The following FAM120A variants were observed in gnomAD, a reference collection of about 807,000 sequenced individuals.
FAM120A encodes the protein family with sequence similarity 120 member A.
A neutral mutation model predicts 109.7 loss-of-function variants in FAM120A; 15 were observed. The ratio of observed to expected loss-of-function variants is 0.14; its 90% CI spans 0.09 to 0.21. The LOEUF is 0.21. Ranked by LOEUF, FAM120A falls within the 10% of genes least tolerant of loss-of-function variation. FAM120A has a pLI of 1.00. For synonymous variants in FAM120A, 493 were observed against 572.8 expected, an observed-to-expected ratio of 0.86 and a Z score of 1.99; for missense variants, 899 against 1,439.3, an observed-to-expected ratio of 0.62 and a Z score of 6.07.
chr9:93,502,192 A>G (rs780918879), intron 5 of FAM120A, among the ~76,000 whole-genome samples: 1 of 152,192 alleles, frequency 6.6e-6, no homozygotes, highest in African/African-American at 2.4e-5. Flanking sequence ...AATTTATCTT[A>G]TTAATCATTC....
rs1857227769 is a variant in FAM120A at position 93,451,799 on chromosome 9, C to T, written c.-117C>T. Reference sequence around the variant, plus strand: ...GCCATGAGCGCGCCCCCGACCCGCCCCAGTCCCCCCTAGAGGCCGCCGCCC... The same window carrying T: ...GCCATGAGCGCGCCCCCGACCCGCCTCAGTCCCCCCTAGAGGCCGCCGCCC... On this transcript the variant is annotated 5_prime_UTR_variant, in exon 1 of 18. Transcript: ENST00000277165. 2.1e-6 allele frequency: 2 copies of T among 974,920 alleles called. No homozygotes were observed. The highest frequency in any genetic ancestry group is 1.3e-4 in the Admixed American group (2 of 15,652). 60.4% of individuals were successfully genotyped at this position (974,920 alleles called of 1,614,324 possible).
chr9:93,502,085 C>T (rs1859827243), intron 5 of FAM120A, among the ~76,000 whole-genome samples: 1 of 152,126 alleles, frequency 6.6e-6, no homozygotes, highest in Non-Finnish European at 1.5e-5. Context: ...GGTGATCTGT[C>T]ATAGAATCCA....
At chr9:93,459,862 C>A (rs949110876) in intron 1 of FAM120A, among the ~76,000 whole-genome samples, 1 of 152,114 alleles carries the variant, frequency 6.6e-6, no homozygotes, top group African/African-American at 2.4e-5. Context: ...GCCTAAAATA[C>A]CAGTAGTGCC....
At chr9:93,481,715 A>T (rs774859287) in intron 3 of FAM120A, among the ~76,000 whole-genome samples, 2 of 152,164 alleles carry the variant, frequency 1.3e-5, no homozygotes, top group Non-Finnish European at 2.9e-5. Flanking sequence ...CTGAGACTTC[A>T]CTACCAGCAG....
In FAM120A at chr9:93,529,511, G is replaced by C; in HGVS notation, c.1665G>C (p.Val555=). The C allele has an allele frequency of 1.2e-6, 2 of 1,614,224 alleles. No individual in the cohort carries two copies. Among genetic ancestry groups the C allele is most frequent in the Non-Finnish European group, 1.7e-6 (2 of 1,180,036 alleles). The change falls in exon 9 of 18, where the codon GTG becomes GTC. Residue 555 remains valine (V), a synonymous_variant. Transcript: ENST00000277165. ...CCCTGCCCCCCGTCGCACCTGAGGT[G>C]CTGAGAGTGGCCGAGCACAGGCACA... ...TPPLPPVAPE[V]LRVAEHRHKK...
chr9:93,479,516 T>C (rs76859728), intron 3 of FAM120A, among the ~76,000 whole-genome samples: 6,911 of 152,244 alleles, frequency 0.045, 266 homozygotes, highest in African/African-American at 0.096. Context: ...AGCTTGAGGA[T>C]GCAAAGTCAC....
chr9:93,560,605 A>G (rs1396739434), intron 15 of FAM120A, among the ~76,000 whole-genome samples: 3 of 152,222 alleles, frequency 2.0e-5, no homozygotes, highest in Non-Finnish European at 4.4e-5. Context: ...GAATTTTCTT[A>G]GGTCAGAAAA....
chr9:93,474,395 T>C (rs1203912170), intron 2 of FAM120A, among the ~76,000 whole-genome samples: 1 of 152,046 alleles, frequency 6.6e-6, no homozygotes, highest in Non-Finnish European at 1.5e-5. Context: ...TTCACTGTGC[T>C]CAAATGAGAA....
chr9:93,494,494 C>A lies in FAM120A; in HGVS notation c.805-2977C>A, dbSNP rs78262078. Among the ~76,000 whole-genome samples the A allele has an allele frequency of 6.6e-3, 999 of 152,304 alleles. 13 individuals carry two copies. The highest frequency in any genetic ancestry group is 0.023 in the African/African-American group (965 of 41,566). On this transcript the variant is annotated intron_variant, in intron 3 of 17. Coordinates refer to ENST00000277165, the MANE Select transcript of FAM120A (RefSeq NM_014612.5). ...GGACAGGGAGGTCATTTGCCTCACT[C>A]CAGCATTCGTGGCCTGTTCCATTAC...
intron 3 of FAM120A, among the ~76,000 whole-genome samples, chr9:93,485,142 C>T (rs1338111009): frequency 6.6e-6 from 1 of 152,180 alleles, no homozygotes; most frequent in East Asian, 1.9e-4. Flanking sequence ...GCAGATCAGA[C>T]ACTGTTGTTG....
intron 1 of FAM120A, among the ~76,000 whole-genome samples, chr9:93,468,424 G>A (rs1414114828): frequency 1.3e-5 from 2 of 152,158 alleles, no homozygotes; most frequent in Non-Finnish European, 2.9e-5. Flanking sequence ...GTAAAAGAAC[G>A]GTAGTTTGTC....
rs752093264 is a variant in FAM120A at position 93,543,250 on chromosome 9, A to G, written c.1938A>G (p.Ala646=). ...CACCAGTGATCATTAAAGAATGGGCAGCTTACAAAGGAAAGTCTCCTCAAA... is the reference window on the plus strand; with the variant it reads ...CACCAGTGATCATTAAAGAATGGGCGGCTTACAAAGGAAAGTCTCCTCAAA... ...EFSPVIIKEW[A]AYKGKSPQTP... The change falls in exon 11 of 18, where the codon GCA becomes GCG. Residue 646 remains alanine (A), a synonymous_variant. Coordinates refer to ENST00000277165, the MANE Select transcript of FAM120A (RefSeq NM_014612.5). 2.5e-6 allele frequency: 4 copies of G among 1,614,162 alleles called. No individual in the cohort carries two copies. The highest frequency in any genetic ancestry group is 3.4e-6 in the Non-Finnish European group (4 of 1,180,026).
At chr9:93,546,762 C>A (rs982620584) in intron 11 of FAM120A, among the ~76,000 whole-genome samples, 1 of 152,214 alleles carries the variant, frequency 6.6e-6, no homozygotes, top group Non-Finnish European at 1.5e-5. Flanking sequence ...CTCCAATAAC[C>A]TTCTCTTTAC....
chr9:93,548,804 A>C (rs1861988874), intron 11 of FAM120A, among the ~76,000 whole-genome samples: 1 of 152,118 alleles, frequency 6.6e-6, no homozygotes, highest in African/African-American at 2.4e-5. Flanking sequence ...GCACTTTGGG[A>C]GGCTGAGGTG....
intron 11 of FAM120A, among the ~76,000 whole-genome samples, chr9:93,545,338 C>G (rs1161317437): frequency 6.6e-6 from 1 of 152,256 alleles, no homozygotes; most frequent in Non-Finnish European, 1.5e-5. Context: ...TGGATTTACC[C>G]TGGTCCTTCC....
At chr9:93,523,332 A>G (rs542932243) in intron 7 of FAM120A, 3 of 1,289,312 alleles carry the variant, frequency 2.3e-6, no homozygotes, top group Middle Eastern at 2.1e-4. Context: ...AGAGAATTCC[A>G]TCGTGCTCTG....
intron 1 of FAM120A, among the ~76,000 whole-genome samples, chr9:93,469,181 C>T (rs1210922154): frequency 1.3e-5 from 2 of 152,210 alleles, no homozygotes; most frequent in African/African-American, 4.8e-5. Flanking sequence ...CCCTTCTCAC[C>T]CAGGCATTGT....
At chr9:93,463,296 A>T (rs1382762385) in intron 1 of FAM120A, among the ~76,000 whole-genome samples, 2 of 152,096 alleles carry the variant, frequency 1.3e-5, no homozygotes, top group African/African-American at 4.8e-5. Context: ...GCATCTTTTC[A>T]TGTCCCACTC....
chr9:93,560,349 G>C (rs1587642021), intron 15 of FAM120A, among the ~76,000 whole-genome samples: 1 of 152,062 alleles, frequency 6.6e-6, no homozygotes, highest in East Asian at 1.9e-4. Context: ...GATACATTGA[G>C]TTAAATAAAT....
Sources: allele counts gnomAD v4.1 joint callset (sites outside exome capture counted in the v4.1 genomes callset), GRCh38; gene constraint gnomAD v4.1.1; transcripts MANE v1.5; gene names NCBI Gene and HGNC (gene_info 2026-07-23, HGNC 2026-07-21).